EXOC6B: variants seen among roughly 807,000 people sequenced by gnomAD.
EXOC6B encodes exocyst complex component 6B, also known as SEC15 homolog B.
EXOC6B carries 54 observed loss-of-function variants against 113.5 expected under a neutral mutation model. That is an observed-to-expected ratio of 0.48 (90% CI 0.38 to 0.60). The LOEUF is 0.60. EXOC6B is among the 20% of genes least tolerant of loss of function. The pLI, the probability that EXOC6B is intolerant of heterozygous loss-of-function variation, is 0.00. For synonymous variants in EXOC6B, 357 were observed against 339.0 expected (o/e 1.05, Z -0.58); for missense variants, 797 against 977.5 (o/e 0.82, Z 2.46).
At chr2:72,367,088 A>C (rs1690668979) in intron 19 of EXOC6B, among the ~76,000 whole-genome samples, 1 of 152,168 alleles carries the variant, frequency 6.6e-6, no homozygotes, top group Admixed American at 6.6e-5. Flanking sequence ...ATGCAGTAAT[A>C]ATGTATTGTG....
At chr2:72,316,386 C>G (rs1687515380) in intron 20 of EXOC6B, among the ~76,000 whole-genome samples, 1 of 152,160 alleles carries the variant, frequency 6.6e-6, no homozygotes, top group African/African-American at 2.4e-5. Flanking sequence ...AGAGAAAGTC[C>G]TCATGTACTA....
At chr2:72,640,580 G>C (rs1263731630) in intron 6 of EXOC6B, among the ~76,000 whole-genome samples, 1 of 152,070 alleles carries the variant, frequency 6.6e-6, no homozygotes, top group Non-Finnish European at 1.5e-5. Flanking sequence ...CTCCAAGGTT[G>C]AAATGAAAGA....
chr2:72,703,874 G>A (rs1678627012), intron 6 of EXOC6B, among the ~76,000 whole-genome samples: 1 of 149,248 alleles, frequency 6.7e-6, no homozygotes, highest in Non-Finnish European at 1.5e-5. Context: ...TGCAAACAGG[G>A]ACAATTTGAC....
chr2:72,404,934 C>G (rs147725782), intron 18 of EXOC6B, among the ~76,000 whole-genome samples: 3,965 of 151,936 alleles, frequency 0.026, 72 homozygotes, highest in Non-Finnish European at 0.04. Context: ...AGTTTCAACC[C>G]ATGGCAAAGA....
intron 1 of EXOC6B, among the ~76,000 whole-genome samples, chr2:72,770,875 A>T (rs1022510303): frequency 1.2e-4 from 18 of 152,266 alleles, no homozygotes; most frequent in African/African-American, 3.1e-4. Flanking sequence ...CAAAAATACA[A>T]TTTTTTAAAA....
At position 72,294,594 on chromosome 2, in the gene EXOC6B, G is replaced by A. The variant is rs79190627; in HGVS notation, c.2196+40353C>T. ...AAGCCAGTCTCAGCCTTTTAGTAGG[G>A]ACACAATCTATTTACATTTATTATC... On this transcript the variant is annotated intron_variant, in intron 20 of 21. Transcript: ENST00000272427. Among the ~76,000 whole-genome samples, 973 of 152,172 alleles carry A rather than the reference G, an allele frequency of 6.4e-3. 17 individuals are homozygous for A. The highest frequency in any genetic ancestry group is 0.022 in the African/African-American group (904 of 41,532).
chr2:72,465,111 A>G, intron 18 of EXOC6B, 49 bp downstream of exon 18: 1 of 1,460,068 alleles, frequency 6.8e-7, no homozygotes, highest in Non-Finnish European at 9.3e-7. Context: ...ACTAAATTAT[A>G]AGGAAATCTT....
intron 6 of EXOC6B, among the ~76,000 whole-genome samples, chr2:72,665,110 C>T (rs1415830747): frequency 6.6e-6 from 1 of 152,116 alleles, no homozygotes; most frequent in Non-Finnish European, 1.5e-5. Flanking sequence ...GAAGAGTGCA[C>T]CCTGTTTGCC....
In EXOC6B at chr2:72,625,876, C is replaced by T. The variant is rs113408728; in HGVS notation, c.670-50208G>A. Among the ~76,000 whole-genome samples the T allele has an allele frequency of 1.5e-4, 23 of 152,290 alleles. 2 individuals carry two copies. Among genetic ancestry groups the T allele is most frequent in the African/African-American group, 4.6e-4 (19 of 41,566 alleles). ...ATTTACACTAAACAATGGTTTTCAA[C>T]TGAATTTACTGTGGTTTTTTACAAA... On this transcript the variant is annotated intron_variant, in intron 6 of 21. Transcript: ENST00000272427.
rs6739944 is a variant in EXOC6B, at chr2:72,815,701, C to T, written c.113+10097G>A. Among the ~76,000 whole-genome samples the T allele has an allele frequency of 1.8e-3, 273 of 152,168 alleles. 2 individuals carry two copies. The highest frequency in any genetic ancestry group is 6.4e-3 in the African/African-American group (264 of 41,516). ...GGGTTGTTGAAAAAGCTACGGAGAACTTTATTGAAAGAGCTACAAAGAAAT... is the reference window on the plus strand; with the variant it reads ...GGGTTGTTGAAAAAGCTACGGAGAATTTTATTGAAAGAGCTACAAAGAAAT... On this transcript the variant is annotated intron_variant, in intron 1 of 21. Transcript: ENST00000272427.
At chr2:72,635,630 T>C (rs767434383) in intron 6 of EXOC6B, among the ~76,000 whole-genome samples, 8 of 152,072 alleles carry the variant, frequency 5.3e-5, no homozygotes, top group Non-Finnish European at 1.2e-4. Flanking sequence ...ACCAAACATT[T>C]TAAGAAGAAT....
intron 19 of EXOC6B, among the ~76,000 whole-genome samples, chr2:72,346,611 C>T (rs769652216): frequency 6.6e-6 from 1 of 152,058 alleles, no homozygotes; most frequent in Non-Finnish European, 1.5e-5. Flanking sequence ...TCATGGAGTC[C>T]ATGGGCACTG....
intron 1 of EXOC6B, among the ~76,000 whole-genome samples, chr2:72,776,306 G>A (rs560317836): frequency 2.7e-4 from 41 of 152,232 alleles, no homozygotes; most frequent in South Asian, 4.1e-4. Context: ...AAGACTGGTC[G>A]ATTTTACTAA....
chr2:72,555,945 C>T (rs1703518826), intron 8 of EXOC6B, among the ~76,000 whole-genome samples: 1 of 152,194 alleles, frequency 6.6e-6, no homozygotes, highest in Admixed American at 6.5e-5. Context: ...TGCACCCGGC[C>T]TCAGGCAGTG....
intron 18 of EXOC6B, among the ~76,000 whole-genome samples, chr2:72,431,362 G>T (rs1009510973): frequency 2.6e-5 from 4 of 151,972 alleles, no homozygotes. Flanking sequence ...CCTCCAGGTG[G>T]ATGCAGTGGC....
chr2:72,759,330 C>T (rs1015339328), intron 1 of EXOC6B, among the ~76,000 whole-genome samples: 1 of 152,146 alleles, frequency 6.6e-6, no homozygotes. Flanking sequence ...TCTCCTTTAA[C>T]CTTGTTACTT....
chr2:72,193,404 C>A (rs1325221562), intron 20 of EXOC6B, among the ~76,000 whole-genome samples: 1 of 152,126 alleles, frequency 6.6e-6, no homozygotes, highest in Non-Finnish European at 1.5e-5. Context: ...CCTGAGTCTG[C>A]CTCCTGTGTC....
chr2:72,670,513 C>A (rs1262960439), intron 6 of EXOC6B, among the ~76,000 whole-genome samples: 1 of 152,120 alleles, frequency 6.6e-6, no homozygotes, highest in Non-Finnish European at 1.5e-5. Flanking sequence ...CACTGCTTAC[C>A]CTTACCAGTA....
At chr2:72,803,939 G>A (rs1685438984) in intron 1 of EXOC6B, among the ~76,000 whole-genome samples, 1 of 152,160 alleles carries the variant, frequency 6.6e-6, no homozygotes, top group Admixed American at 6.5e-5. Context: ...ACCTAAGTTA[G>A]GCCATACCCA....
Sources: allele counts gnomAD v4.1 joint callset (sites outside exome capture counted in the v4.1 genomes callset), GRCh38; gene constraint gnomAD v4.1.1; transcripts MANE v1.5; gene names NCBI Gene and HGNC (gene_info 2026-07-23, HGNC 2026-07-21).